TCF12: variants seen among roughly 807,000 people sequenced by gnomAD.
The protein encoded by TCF12 is transcription factor 12.
In TCF12, 45 loss-of-function variants were observed where a neutral mutation model predicts 86.0. The observed-to-expected ratio is 0.52, with a 90% CI of 0.41 to 0.67. TCF12 has a LOEUF of 0.67. TCF12 is among the 30% of genes least tolerant of loss of function. TCF12 has a pLI of 0.00. For synonymous variants in TCF12, 330 were observed against 299.6 expected (o/e 1.10, Z -1.05); for missense variants, 881 against 859.9 (o/e 1.02, Z -0.31).
chr15:56,997,690 AAAT>A (rs1384565636), intron 3 of TCF12, among the ~76,000 whole-genome samples: 1 of 152,226 alleles, frequency 6.6e-6, no homozygotes, highest in Non-Finnish European at 1.5e-5. Context: ...ATGAGAAAAC[AAAT>A]AATAAAATGG....
chr15:57,112,109 A>C (rs1208597519), intron 5 of TCF12, among the ~76,000 whole-genome samples: 1 of 152,158 alleles, frequency 6.6e-6, no homozygotes, highest in Non-Finnish European at 1.5e-5. Flanking sequence ...CCGTCTTAAG[A>C]AGGTGGGAAT....
intron 5 of TCF12, among the ~76,000 whole-genome samples, chr15:57,119,072 C>A (rs1454985166): frequency 1.3e-5 from 2 of 151,914 alleles, no homozygotes; most frequent in African/African-American, 4.8e-5. Flanking sequence ...CTATTTATTT[C>A]ATGCCTACCC....
At chr15:56,937,414 T>C (rs1442924628) in intron 3 of TCF12, among the ~76,000 whole-genome samples, 1 of 151,944 alleles carries the variant, frequency 6.6e-6, no homozygotes, top group Admixed American at 6.6e-5. Context: ...TGGAGTGTAG[T>C]GGCGTGATCT....
chr15:57,092,752 G>C (rs2049070740), intron 5 of TCF12, among the ~76,000 whole-genome samples: 1 of 151,914 alleles, frequency 6.6e-6, no homozygotes, highest in African/African-American at 2.4e-5. Context: ...GTTTTTACCA[G>C]TTATGGCATC....
chr15:57,076,470 T>C (rs1392401872), intron 4 of TCF12, among the ~76,000 whole-genome samples: 1 of 151,888 alleles, frequency 6.6e-6, no homozygotes, highest in Non-Finnish European at 1.5e-5. Flanking sequence ...CTGGCTAACA[T>C]GATGAATCCC....
chr15:57,165,731 T>A lies in TCF12; in HGVS notation c.326-671T>A, dbSNP rs190490718. On this transcript the variant is annotated intron_variant, in intron 5 of 20. Transcript: ENST00000333725. ...TTTTGTATTTTTAGTAGAGACAGGG[T>A]TTCACCTTGTTAGCCAGGATTGTCT... 3.8e-4 allele frequency among the ~76,000 whole-genome samples: 57 copies of A among 151,894 alleles called. 3 individuals carry two copies. Among genetic ancestry groups the A allele is most frequent in the Non-Finnish European group, 1.0e-4 (7 of 67,944 alleles).
At chr15:57,030,721 A>G (rs564922125) in intron 3 of TCF12, among the ~76,000 whole-genome samples, 36 of 152,236 alleles carry the variant, frequency 2.4e-4, no homozygotes, top group African/African-American at 7.7e-4. Context: ...TCTGTTTTCA[A>G]TCATTTTGAA....
At chr15:57,270,007 A>T (rs777916565) in intron 18 of TCF12, among the ~76,000 whole-genome samples, 1 of 151,940 alleles carries the variant, frequency 6.6e-6, no homozygotes, top group Non-Finnish European at 1.5e-5. Flanking sequence ...CTTCATTTCA[A>T]CCTTGGTGAA....
At chr15:57,075,804 T>TCTCTCTCTCTCTCTCTCTCTCTCTCTC (rs1567370603) in intron 4 of TCF12, among the ~76,000 whole-genome samples, 2 of 28,590 alleles carry the variant, frequency 7.0e-5, no homozygotes, top group Non-Finnish European at 6.4e-5. Flanking sequence ...CTTTCTTTCT[T>TCTCTCTCTCTCTCTCTCTCTCTCTCTC]TCTCTCTCTC....
chr15:57,247,585 T>C, intron 13 of TCF12: 1 of 853,600 alleles, frequency 1.2e-6, no homozygotes, highest in South Asian at 1.3e-5. Context: ...CCATAACTTC[T>C]GCGGTTTCAA....
At chr15:57,281,578 T>G (rs1019184586) in intron 19 of TCF12, 1 of 152,184 alleles carries the variant, frequency 6.6e-6, no homozygotes, top group Non-Finnish European at 1.5e-5. Flanking sequence ...ACACTCCCCA[T>G]CATTTGCATC....
intron 3 of TCF12, among the ~76,000 whole-genome samples, chr15:56,965,744 A>G (rs2061973813): frequency 6.6e-6 from 1 of 152,158 alleles, no homozygotes. Context: ...CTTTAGGGAT[A>G]TTCCCCATTT....
At position 56,932,365 on chromosome 15, in the gene TCF12, T is replaced by G. The variant is rs568051796; in HGVS notation, c.148+11267T>G. ...CTCAGAAGTAGCAAACTCTAATCAG[T>G]TGTAGTTGCACCTGCACTGATACCA... is the stretch of plus-strand genomic sequence containing the variant. On this transcript the variant is annotated intron_variant, in intron 3 of 20. Transcript: ENST00000333725. 2.0e-4 allele frequency among the ~76,000 whole-genome samples: 30 copies of G among 152,262 alleles called. No individual in the cohort carries two copies. In the South Asian group the frequency reaches 6.2e-3, roughly 32 times the overall value.
chr15:57,002,709 G>A (rs1387503140), intron 3 of TCF12, among the ~76,000 whole-genome samples: 1 of 152,172 alleles, frequency 6.6e-6, no homozygotes, highest in Non-Finnish European at 1.5e-5. Flanking sequence ...ACTGTCAATC[G>A]AAACGGAGAC....
chr15:57,232,956 T>A (rs1566956798), intron 11 of TCF12, 100 bp downstream of exon 11: 4 of 748,678 alleles, frequency 5.3e-6, no homozygotes, highest in Non-Finnish European at 7.0e-6. Context: ...TATATAAATG[T>A]TATATATATG....
chr15:57,252,515 C>G lies in TCF12; in HGVS notation c.1260+23C>G, dbSNP rs770225868. On this transcript the variant is annotated intron_variant, in intron 15 of 20. Transcript: ENST00000333725. ...GAGGTACTATTTCTTTTAGATGGTG[C>G]CTTTTTTGTGTTTCAATTAATTATA... 10 of 1,598,442 alleles carry G rather than the reference C, an allele frequency of 6.3e-6. No individual in the cohort carries two copies. In the Admixed American group the frequency reaches 1.2e-4, roughly 19 times the overall value.
intron 3 of TCF12, among the ~76,000 whole-genome samples, chr15:57,017,448 C>G (rs1413951546): frequency 1.3e-5 from 2 of 152,196 alleles, no homozygotes; most frequent in Non-Finnish European, 2.9e-5. Context: ...TGCTTTTGCA[C>G]TACAAGGCAC....
intron 13 of TCF12, among the ~76,000 whole-genome samples, chr15:57,246,373 T>G (rs1195293929): frequency 1.3e-5 from 2 of 152,134 alleles, no homozygotes; most frequent in African/African-American, 4.8e-5. Context: ...GTTAGGATGC[T>G]TTAGGCTAAA....
At chr15:57,276,672 TA>T (rs2061411075) in intron 19 of TCF12, among the ~76,000 whole-genome samples, 1 of 151,948 alleles carries the variant, frequency 6.6e-6, no homozygotes, top group African/African-American at 2.4e-5. Context: ...AGCTTATAGA[TA>T]AAGAAACAAG....
Sources: gnomAD v4.1 joint callset for allele counts (sites outside exome capture counted in the v4.1 genomes callset) on GRCh38, gnomAD v4.1.1 for gene constraint, MANE v1.5 for transcripts, NCBI Gene and HGNC (gene_info 2026-07-23, HGNC 2026-07-21) for gene names.